STARD9: variants seen among roughly 807,000 people sequenced by gnomAD.
The protein encoded by STARD9 is StAR related lipid transfer domain containing 9.
Under a neutral mutation model 399.8 loss-of-function variants are expected in STARD9, and 346 were observed. The ratio of observed to expected loss-of-function variants is 0.87; its 90% CI spans 0.79 to 0.95. The LOEUF (loss-of-function observed/expected upper bound fraction) is 0.95. Among genes scored for constraint, STARD9 ranks in the 40% least tolerant of loss-of-function variants. The probability of loss-of-function intolerance (pLI) is 0.00; values close to 1 mark genes in which losing one functional copy is unlikely to be tolerated. For missense variants in STARD9, 5,832 were observed against 5,667.5 expected (o/e 1.03, Z -0.93); for synonymous variants, 2,203 against 2,143.5 (o/e 1.03, Z -0.77).
rs1566972867 is a variant in STARD9, at chr15:42,719,799, C to T, written c.*225C>T. ...AGAGCAAACGGCCTGAGCTCCTGGC[C>T]CAGACTATCCAGAGTGAATGCAGCT... is the stretch of plus-strand genomic sequence containing the variant. On this transcript the variant is annotated 3_prime_UTR_variant, in exon 33 of 33. Coordinates refer to ENST00000290607, the MANE Select transcript of STARD9 (RefSeq NM_020759.3). 3 of 526,382 alleles carry T rather than the reference C, an allele frequency of 5.7e-6. No individual in the cohort carries two copies. The highest frequency in any genetic ancestry group is 1.0e-5 in the Non-Finnish European group (3 of 295,738). 32.6% of individuals were successfully genotyped at this position (526,382 alleles called of 1,614,324 possible). A position where few individuals can be genotyped will look rare whatever the true frequency, so the allele number is the denominator to read the frequency against.
In STARD9 at chr15:42,692,780, G is replaced by C. The variant is rs2060742806; in HGVS notation, c.11202G>C (p.Glu3734Asp). ...MDGSTQTTVD[E>D]GSQTDLTLPT... ...GCTCTACTCAGACCACTGTGGATGA[G>C]GGCAGCCAGACTGACCTCACCTTAC... Residue 3734 changes from glutamate (E) to aspartate (D), a missense_variant, in exon 23 of 33, where the codon GAG becomes GAC. Coordinates refer to ENST00000290607, the MANE Select transcript of STARD9 (RefSeq NM_020759.3). 2 of 1,537,170 alleles carry C rather than the reference G, an allele frequency of 1.3e-6. No homozygotes were observed. The highest frequency in any genetic ancestry group is 1.7e-6 in the Non-Finnish European group (2 of 1,146,902).
At chr15:42,621,464 G>A (rs2059092072) in intron 3 of STARD9, among the ~76,000 whole-genome samples, 1 of 152,134 alleles carries the variant, frequency 6.6e-6, no homozygotes, top group Non-Finnish European at 1.5e-5. Context: ...TACAAATAAG[G>A]CAGCCCCTAG....
intron 3 of STARD9, among the ~76,000 whole-genome samples, chr15:42,588,208 ATGTG>A (rs71947615): frequency 2.7e-5 from 4 of 150,264 alleles, no homozygotes; most frequent in South Asian, 2.1e-4. Flanking sequence ...TTAAAATTTT[ATGTG>A]TGTGTGTGTG....
chr15:42,579,925 G>A (rs1438991546), intron 1 of STARD9, among the ~76,000 whole-genome samples: 1 of 152,122 alleles, frequency 6.6e-6, no homozygotes, highest in African/African-American at 2.4e-5. Context: ...ACCAAGTGGA[G>A]GCTAAAGTGC....
At chr15:42,609,056 G>T (rs1044875445) in intron 3 of STARD9, among the ~76,000 whole-genome samples, 1 of 152,062 alleles carries the variant, frequency 6.6e-6, no homozygotes, top group Admixed American at 6.6e-5. Context: ...TCTTATGACA[G>T]TTCCGGGCAT....
chr15:42,592,744 A>G (rs1191890872), intron 3 of STARD9, among the ~76,000 whole-genome samples: 1 of 152,088 alleles, frequency 6.6e-6, no homozygotes, highest in Non-Finnish European at 1.5e-5. Context: ...ACACCCAGCC[A>G]GCTTTCCATT....
chr15:42,694,514 G>A lies in STARD9; in HGVS notation c.12765-14G>A, dbSNP rs1211114030. The A allele has an allele frequency of 1.2e-5, 19 of 1,536,440 alleles. No individual in the cohort carries two copies. Among genetic ancestry groups the A allele is most frequent in the Non-Finnish European group, 1.6e-5 (18 of 1,146,392 alleles). On this transcript the variant is annotated splice_polypyrimidine_tract_variant and intron_variant, in intron 23 of 32. Transcript: ENST00000290607. ...CATTCAGGGCCAGCTTCAGCGAATC[G>A]TGTTTTGCCTCAGGCAAAAAAAGGC...
chr15:42,703,794 C>T (rs1595810422), intron 26 of STARD9, among the ~76,000 whole-genome samples: 2 of 151,950 alleles, frequency 1.3e-5, no homozygotes, highest in East Asian at 3.9e-4. Flanking sequence ...CAGATTTATT[C>T]TTCTGCTTTA....
intron 3 of STARD9, among the ~76,000 whole-genome samples, chr15:42,627,804 C>T (rs1198490432): frequency 1.3e-5 from 2 of 152,170 alleles, no homozygotes; most frequent in East Asian, 1.9e-4. Flanking sequence ...TGTATATGTA[C>T]CACATTTTGT....
intron 26 of STARD9, among the ~76,000 whole-genome samples, chr15:42,715,389 G>A (rs893606368): frequency 6.6e-6 from 1 of 152,162 alleles, no homozygotes; most frequent in Non-Finnish European, 1.5e-5. Flanking sequence ...GGGTTTTAAA[G>A]ATGAGAGAAG....
chr15:42,576,096 TCTC>T (rs1191134546), intron 1 of STARD9, among the ~76,000 whole-genome samples: 5 of 152,238 alleles, frequency 3.3e-5, no homozygotes, highest in African/African-American at 9.6e-5. Flanking sequence ...GGATGAGCAT[TCTC>T]CTCTCTCTTT....
chr15:42,664,670 T>C (rs1312116509), intron 13 of STARD9, among the ~76,000 whole-genome samples: 1 of 152,186 alleles, frequency 6.6e-6, no homozygotes, highest in Non-Finnish European at 1.5e-5. Flanking sequence ...CCCAGTCTTA[T>C]GCCTGTGTTT....
chr15:42,620,747 A>G lies in STARD9; in HGVS notation c.235-14109A>G, dbSNP rs531075126. On this transcript the variant is annotated intron_variant, in intron 3 of 32. Coordinates refer to ENST00000290607, the MANE Select transcript of STARD9 (RefSeq NM_020759.3). ...TGTCCCTTTTATTTTATTTTATTTT[A>G]TTTTATTTTATTTTATTTTATTTTG... Among the ~76,000 whole-genome samples the G allele has an allele frequency of 7.2e-4, 107 of 148,374 alleles. 1 individual carries two copies. The highest frequency in any genetic ancestry group is 2.6e-3 in the African/African-American group (102 of 38,786).
At chr15:42,662,084 G>A (rs2060003999) in intron 10 of STARD9, among the ~76,000 whole-genome samples, 1 of 152,132 alleles carries the variant, frequency 6.6e-6, no homozygotes, top group South Asian at 2.1e-4. Context: ...CCAGGAGTTT[G>A]AAGCCATCCT....
chr15:42,660,606 A>G (rs1270759649), intron 9 of STARD9, among the ~76,000 whole-genome samples: 1 of 151,868 alleles, frequency 6.6e-6, no homozygotes, highest in Non-Finnish European at 1.5e-5. Context: ...AACAAGAAAC[A>G]AAAATTAACA....
intron 3 of STARD9, among the ~76,000 whole-genome samples, chr15:42,592,740 A>C (rs563456975): frequency 6.6e-6 from 1 of 152,216 alleles, no homozygotes; most frequent in East Asian, 1.9e-4. Flanking sequence ...CACCACACCC[A>C]GCCAGCTTTC....
intron 26 of STARD9, among the ~76,000 whole-genome samples, chr15:42,715,478 T>C (rs1365620319): frequency 6.6e-6 from 1 of 151,352 alleles, no homozygotes; most frequent in Non-Finnish European, 1.5e-5. Flanking sequence ...CCCAGGAGTC[T>C]AAGACCAACA....
chr15:42,670,590 A>G (rs979551712), intron 16 of STARD9: 1 of 152,202 alleles, frequency 6.6e-6, no homozygotes, highest in African/African-American at 2.4e-5. Context: ...GCTGACGTTT[A>G]AAAAGAACAA....
rs575961496 is a variant in STARD9, at chr15:42,692,914, C to T, written c.11336C>T (p.Pro3779Leu). 241 of 1,537,178 alleles carry T rather than the reference C, an allele frequency of 1.6e-4. 5 individuals carry two copies. In the South Asian group the frequency reaches 2.8e-3, roughly 18 times the overall value. The change falls in exon 23 of 33, where the codon CCA (proline) becomes CTA (leucine). Residue 3779 changes from proline (P) to leucine (L), a missense_variant. This residue lies in a region of STARD9 where 5,828 missense variants were observed against 5,651.1 expected (regional missense o/e 1.03). Transcript: ENST00000290607. The part of the protein sequence containing the change: ...STVSQEEGDV[P>L]GVPQKREAEE... The stretch of plus-strand genomic sequence containing the variant: ...GTGTCTCAAGAAGAGGGAGATGTGC[C>T]AGGGGTACCTCAGAAGAGAGAGGCA...
Sources: allele counts gnomAD v4.1 joint callset (sites outside exome capture counted in the v4.1 genomes callset), GRCh38; gene constraint gnomAD v4.1.1; regional missense constraint gnomAD v4.1.1; transcripts MANE v1.5; gene names NCBI Gene and HGNC (gene_info 2026-07-23, HGNC 2026-07-21).